Variants in CCDC136 observed in about 807,000 individuals in gnomAD.
CCDC136 encodes the protein coiled-coil domain containing 136.
Under a neutral mutation model 141.2 loss-of-function variants are expected in CCDC136, and 100 were observed. The observed-to-expected ratio is 0.71, with a 90% confidence interval of 0.60 to 0.84. The LOEUF is 0.84. Among genes scored for constraint, CCDC136 ranks in the 40% least tolerant of loss-of-function variants. The pLI is 0.00. For missense variants in CCDC136, 1,206 were observed against 1,379.4 expected (o/e 0.87, Z 1.99); for synonymous variants, 474 against 531.9 (o/e 0.89, Z 1.50).
rs550537352 is a variant in CCDC136, at chr7:128,802,187, G to T, written c.670+678G>T. Among the ~76,000 whole-genome samples the T allele has an allele frequency of 1.1e-3, 170 of 152,228 alleles. 1 individual carries two copies. Among genetic ancestry groups the T allele is most frequent in the Admixed American group, 2.4e-3 (37 of 15,288 alleles). Reference sequence around the variant, plus strand: ...AAAGTTATTCTGAGTGATACATGAGGTACCCAAAAGCCTAGAGCCCTGCTT... The same window carrying T: ...AAAGTTATTCTGAGTGATACATGAGTTACCCAAAAGCCTAGAGCCCTGCTT... On this transcript the variant is annotated intron_variant, in intron 4 of 17. Transcript: ENST00000297788.
chr7:128,796,739 A>ATATATATATATATATATTT, intron 3 of CCDC136, among the ~76,000 whole-genome samples: 2 of 113,372 alleles, frequency 1.8e-5, no homozygotes, highest in African/African-American at 9.2e-5. Context: ...ATATATATAT[A>ATATATATATATATATATTT]TTCTTTTTTT....
intron 3 of CCDC136, among the ~76,000 whole-genome samples, chr7:128,796,722 A>AATATATATATATATATATATATAT (rs149502865): frequency 1.7e-5 from 2 of 120,724 alleles, no homozygotes; most frequent in Non-Finnish European, 3.2e-5. Context: ...GATGATTCAG[A>AATATATATATATATATATATATAT]ATATATATAT....
chr7:128,803,731 G>A (rs920795597), intron 4 of CCDC136, among the ~76,000 whole-genome samples: 5 of 152,212 alleles, frequency 3.3e-5, no homozygotes, highest in Middle Eastern at 3.4e-3. Flanking sequence ...TATTTCAACC[G>A]GATCTCTTCT....
Position 128,817,610 on chromosome 7 carries a change from C to T in CCDC136, c.3364-148C>T, listed in dbSNP as rs1253640158. 2 of 726,424 alleles carry T rather than the reference C, an allele frequency of 2.8e-6. No individual in the cohort carries two copies. Among genetic ancestry groups the T allele is most frequent in the Admixed American group, 4.1e-5 (2 of 48,340 alleles). 45.0% of individuals were successfully genotyped at this position (726,424 alleles called of 1,614,324 possible). A position where few individuals can be genotyped will look rare whatever the true frequency, so the allele number is the denominator to read the frequency against. ...CCCAGGCAGCAGAAAAGACATGCAA[C>T]TGCTCTAGCTTACCTGTTTTTTAAC... On this transcript the variant is annotated intron_variant, in intron 16 of 17. Coordinates refer to ENST00000297788, the MANE Select transcript of CCDC136 (RefSeq NM_022742.5). This position sits in a 1 kb window ranked among gnomAD's most constrained non-coding sequence, Gnocchi z 4.6.
Position 128,792,206 on chromosome 7 carries a change from G to T in CCDC136, c.-206G>T, listed in dbSNP as rs927986085. 78 of 1,486,414 alleles carry T rather than the reference G, an allele frequency of 5.2e-5. No homozygotes were observed. The highest frequency in any genetic ancestry group is 6.3e-5 in the Non-Finnish European group (71 of 1,123,986). The allele number at this position is 1,486,414 out of a possible 1,614,324, so 92.1% of individuals were successfully genotyped here. On this transcript the variant is annotated 5_prime_UTR_variant, in exon 1 of 18. Coordinates refer to ENST00000297788, the MANE Select transcript of CCDC136 (RefSeq NM_022742.5). ...AGAGTGAGTCAGGCACCTCCACTGG[G>T]ATTACAGATCCCAGAGCCTCGAGGA...
At chr7:128,815,515 G>A in intron 15 of CCDC136, 99 bp from the exon 16 acceptor site, 2 of 1,344,240 alleles carry the variant, frequency 1.5e-6, no homozygotes, top group Non-Finnish European at 2.0e-6. Flanking sequence ...ACTCTGACAT[G>A]CTGGAAGTCA....
chr7:128,815,955 C>G (rs762121417), intron 16 of CCDC136, 24 bp downstream of exon 16: 1 of 1,591,274 alleles, frequency 6.3e-7, no homozygotes, highest in Non-Finnish European at 8.6e-7. Flanking sequence ...AAGCCTAGAT[C>G]AAGTGGGAAG....
chr7:128,813,651 TAGAG>T (rs1806116218), intron 14 of CCDC136, among the ~76,000 whole-genome samples: 1 of 152,144 alleles, frequency 6.6e-6, no homozygotes. Flanking sequence ...TTGTTCCTGT[TAGAG>T]AGATGGGTTG....
intron 17 of CCDC136, among the ~76,000 whole-genome samples, chr7:128,819,760 A>C (rs1431965873): frequency 6.6e-6 from 1 of 152,164 alleles, no homozygotes; most frequent in Admixed American, 6.5e-5. Context: ...GCAACAAATA[A>C]GATTCCAGTC....
Position 128,815,821 on chromosome 7 carries a change from A to C in CCDC136, c.3253A>C (p.Lys1085Gln). The C allele has an allele frequency of 3.1e-6, 5 of 1,610,328 alleles. No homozygotes were observed. The highest frequency in any genetic ancestry group is 3.4e-6 in the Non-Finnish European group (4 of 1,178,392). Residue 1085 changes from lysine (K) to glutamine (Q), a missense_variant, in exon 16 of 18, where the codon AAA becomes CAA. By Grantham distance (53) the Lys-to-Gln change is moderately conservative. Transcript: ENST00000297788. Reference protein sequence around the residue: ...TEDQEENEEDKEEEEKEEDSE... With the variant: ...TEDQEENEEDQEEEEKEEDSE... Reference sequence around the variant, plus strand: ...AGATCAGGAGGAAAATGAAGAGGACAAAGAGGAAGAGGAGAAGGAAGAAGA... The same window carrying C: ...AGATCAGGAGGAAAATGAAGAGGACCAAGAGGAAGAGGAGAAGGAAGAAGA...
At chr7:128,795,612 CTTGCAGAGGAGGAAAGTGGCAGGA>C (rs1260955867) in intron 3 of CCDC136, among the ~76,000 whole-genome samples, 1 of 151,898 alleles carries the variant, frequency 6.6e-6, no homozygotes, top group Non-Finnish European at 1.5e-5. Flanking sequence ...AGTGAAGGGG[CTTGCAGAGGAGGAAAGTGGCAGGA>C]CACGTGTCAC....
rs1804934609 is a variant in CCDC136, at chr7:128,806,872, C to T, written c.1419+14C>T. On this transcript the variant is annotated intron_variant, in intron 9 of 17. Coordinates refer to ENST00000297788, the MANE Select transcript of CCDC136 (RefSeq NM_022742.5). The stretch of plus-strand genomic sequence containing the variant: ...AGCAATGAGAAGGTAAAAGAAGCTC[C>T]TGGTGAGGGAGGATGTAGCCAGGCA... 1.3e-6 allele frequency: 2 copies of T among 1,588,096 alleles called. No homozygotes were observed. The highest frequency in any genetic ancestry group is 2.2e-5 in the East Asian group (1 of 44,488).
chr7:128,809,027 ATTTG>A, intron 10 of CCDC136: 2 of 942,706 alleles, frequency 2.1e-6, no homozygotes, highest in Non-Finnish European at 2.5e-6. Flanking sequence ...TTAAGTCCTT[ATTTG>A]TAAGGAGTGT....
intron 17 of CCDC136, among the ~76,000 whole-genome samples, chr7:128,820,775 G>C (rs889011090): frequency 3.3e-5 from 5 of 152,082 alleles, no homozygotes; most frequent in African/African-American, 1.2e-4. Flanking sequence ...CTGTAACATT[G>C]CTTGGCTTTC....
In CCDC136 at chr7:128,809,557, G is replaced by C. The variant is rs747387642; in HGVS notation, c.1713G>C (p.Gln571His). 2.6e-6 allele frequency: 4 copies of C among 1,566,602 alleles called. No homozygotes were observed. In the East Asian group the frequency reaches 7.1e-5, roughly 28 times the overall value. ...AGCAGTGTGAGCTCCTGGAGGATCA[G>C]AGGAGGATGCAGGAGGAGCAGGGCC... is the stretch of plus-strand genomic sequence containing the variant. ...QMEQCELLEDQRRMQEEQGQL... is the reference protein window; with the variant it reads ...QMEQCELLEDHRRMQEEQGQL... The change falls in exon 11 of 18, where the codon CAG becomes CAC. Residue 571 changes from glutamine to histidine, a missense_variant. Transcript: ENST00000297788.
At chr7:128,814,381 G>A (rs1281987489) in intron 14 of CCDC136, among the ~76,000 whole-genome samples, 5 of 152,138 alleles carry the variant, frequency 3.3e-5, no homozygotes, top group Non-Finnish European at 2.9e-5. Flanking sequence ...CAAGTGAGCC[G>A]CTGCGCCCTG....
upstream of CCDC136, chr7:128,791,344 C>A: frequency 2.3e-6 from 1 of 427,442 alleles, no homozygotes; most frequent in Non-Finnish European, 3.8e-6. This position sits in a 1 kb window ranked among gnomAD's most constrained non-coding sequence, Gnocchi z 7.1. Flanking sequence ...TTCCGGGCGG[C>A]GGCGAGCGGC....
At chr7:128,798,782 G>T (rs999619594) in intron 3 of CCDC136, among the ~76,000 whole-genome samples, 1 of 152,086 alleles carries the variant, frequency 6.6e-6, no homozygotes, top group African/African-American at 2.4e-5. Flanking sequence ...GGAAGTCAGA[G>T]AATCTAACAG....
chr7:128,793,918 G>GT (rs1294648130), intron 1 of CCDC136, among the ~76,000 whole-genome samples: 2 of 151,928 alleles, frequency 1.3e-5, no homozygotes, highest in East Asian at 1.9e-4. Context: ...GGTCAGTTTT[G>GT]TTTTGTTTTT....
Sources: allele counts gnomAD v4.1 joint callset (sites outside exome capture counted in the v4.1 genomes callset), GRCh38; gene constraint gnomAD v4.1.1; non-coding constraint Gnocchi (gnomAD v3.1); transcripts MANE v1.5; gene names NCBI Gene and HGNC (gene_info 2026-07-23, HGNC 2026-07-21).